Variants in ST6GAL2 observed in about 807,000 individuals in gnomAD.
ST6GAL2 encodes the protein beta-galactoside alpha-2,6-sialyltransferase 2.
ST6GAL2 carries 24 observed loss-of-function variants against 37.5 expected under a neutral mutation model. The observed-to-expected ratio is 0.64, with a 90% CI of 0.46 to 0.90. The LOEUF is 0.90. Ranked by LOEUF, ST6GAL2 falls within the 40% of genes least tolerant of loss-of-function variation. The pLI is 0.00. For missense variants in ST6GAL2, 715 were observed against 712.7 expected (o/e 1.00, Z -0.04); for synonymous variants, 306 against 295.1 (o/e 1.04, Z -0.38).
chr2:106,830,946 A>G (rs1442283486), intron 4 of ST6GAL2, among the ~76,000 whole-genome samples: 1 of 152,214 alleles, frequency 6.6e-6, no homozygotes, highest in Non-Finnish European at 1.5e-5. Context: ...CATGTATGTT[A>G]TTGTATGAAA....
chr2:106,829,422 C>A (rs1217169012), intron 5 of ST6GAL2, among the ~76,000 whole-genome samples: 1 of 152,192 alleles, frequency 6.6e-6, no homozygotes, highest in African/African-American at 2.4e-5. Flanking sequence ...TTGAGACCAC[C>A]ATGCAAGAAA....
chr2:106,861,984 T>C (rs761421577), intron 1 of ST6GAL2, among the ~76,000 whole-genome samples: 50 of 152,224 alleles, frequency 3.3e-4, no homozygotes, highest in Admixed American at 2.6e-4. Context: ...CTTATGTAAA[T>C]ATACAAATGG....
At chr2:106,817,341 G>A (rs1170670878) in intron 5 of ST6GAL2, among the ~76,000 whole-genome samples, 1 of 152,200 alleles carries the variant, frequency 6.6e-6, no homozygotes, top group African/African-American at 2.4e-5. Context: ...GGAGAGAGAA[G>A]AGTAAAGAGA....
intron 1 of ST6GAL2, among the ~76,000 whole-genome samples, chr2:106,849,138 G>A (rs977478659): frequency 5.9e-5 from 9 of 152,092 alleles, no homozygotes; most frequent in Non-Finnish European, 1.2e-4. Flanking sequence ...CAAGCTTTGC[G>A]CTCAAATAAA....
At chr2:106,853,915 A>C (rs916577119) in intron 1 of ST6GAL2, among the ~76,000 whole-genome samples, 1 of 152,096 alleles carries the variant, frequency 6.6e-6, no homozygotes, top group Non-Finnish European at 1.5e-5. Flanking sequence ...TCTGCTTTGG[A>C]CTCAGTGGCC....
Position 106,830,185 on chromosome 2 carries a change from C to T in ST6GAL2, c.1199G>A (p.Arg400Lys), listed in dbSNP as rs1676363035. ...AATGTAAAATGGCTGATTTGGGTTT[C>T]TCTGACGATGCTGAATATATGGAGT... ...LFTPYIQHRQ[R>K]NPNQPFYILH... Residue 400 changes from arginine to lysine, a missense_variant, in exon 5 of 6, where the codon AGA (arginine) becomes AAA (lysine). Coordinates refer to ENST00000409382, the MANE Select transcript of ST6GAL2 (RefSeq NM_001142351.2). 6.2e-7 allele frequency: 1 copy of T among 1,613,788 alleles called. No homozygotes were observed. Among genetic ancestry groups the T allele is most frequent in the East Asian group, 2.2e-5 (1 of 44,872 alleles).
intron 1 of ST6GAL2, among the ~76,000 whole-genome samples, chr2:106,848,553 G>A (rs1047309209): frequency 2.0e-5 from 3 of 152,200 alleles, no homozygotes; most frequent in African/African-American, 7.2e-5. Context: ...GCTTTGACCT[G>A]TTGGGAGGAG....
At chr2:106,880,452 A>T (rs1229590585) in intron 1 of ST6GAL2, among the ~76,000 whole-genome samples, 1 of 152,242 alleles carries the variant, frequency 6.6e-6, no homozygotes, top group Non-Finnish European at 1.5e-5. Context: ...GACAATCTCA[A>T]AAGTTAGTCT....
Position 106,843,101 on chromosome 2 carries a change from G to T in ST6GAL2, c.877C>A (p.Leu293Met), listed in dbSNP as rs1021383351. 3 of 1,540,330 alleles carry T rather than the reference G, an allele frequency of 1.9e-6. No homozygotes were observed. Among genetic ancestry groups the T allele is most frequent in the Non-Finnish European group, 2.6e-6 (3 of 1,150,140 alleles). The change falls in exon 2 of 6, where the codon CTG becomes ATG. Residue 293 changes from leucine (L) to methionine (M), a missense_variant. Transcript: ENST00000409382. ...GACATGACGACAGCGCAGCTGCGCA[G>T]GCCGCGGGGGTGCAGCTGGCTCAGG... is the stretch of plus-strand genomic sequence containing the variant. Reference protein sequence around the residue: ...VPLSQLHPRGLRSCAVVMSAG... With the variant: ...VPLSQLHPRGMRSCAVVMSAG...
rs79532436 is a variant in ST6GAL2 at position 106,863,701 on chromosome 2, C to T, written c.-57-19667G>A. The stretch of plus-strand genomic sequence containing the variant: ...TAATTAACCTCTCCCATCCCCAGTT[C>T]TCCCAACTGTAAAATAAGAAGAGTA... On this transcript the variant is annotated intron_variant, in intron 1 of 5. Transcript: ENST00000409382. Among the ~76,000 whole-genome samples the T allele has an allele frequency of 3.0e-3, 462 of 152,306 alleles. 3 individuals carry two copies. Among genetic ancestry groups the T allele is most frequent in the Middle Eastern group, 0.02 (6 of 294 alleles).
intron 1 of ST6GAL2, among the ~76,000 whole-genome samples, chr2:106,880,523 G>A (rs1678705323): frequency 6.6e-6 from 1 of 152,260 alleles, no homozygotes; most frequent in African/African-American, 2.4e-5. Flanking sequence ...GTTCTTGCAT[G>A]TTGAGCATGA....
rs768643816 is a variant in ST6GAL2 at position 106,843,873 on chromosome 2, G to C, written c.105C>G (p.Pro35=). The part of the protein sequence containing the change: ...LIFIYFTDSN[P]AEPVPSSLSF... ...AGAGGGAGCTGGGTACAGGCTCAGC[G>C]GGGTTGCTGTCGGTGAAGTAGATGA... is the stretch of plus-strand genomic sequence containing the variant. Residue 35 remains proline, a synonymous_variant, in exon 2 of 6, where the codon CCC becomes CCG. Transcript: ENST00000409382. 2.5e-6 allele frequency: 4 copies of C among 1,609,970 alleles called. No homozygotes were observed. Among genetic ancestry groups the C allele is most frequent in the Non-Finnish European group, 2.5e-6 (3 of 1,179,602 alleles).
chr2:106,807,751 A>C (rs190729582), intron 5 of ST6GAL2, among the ~76,000 whole-genome samples: 154 of 151,744 alleles, frequency 1.0e-3, no homozygotes, highest in Non-Finnish European at 1.6e-3. Flanking sequence ...CAGCCTCCCA[A>C]GTAGCCGGGA....
intron 1 of ST6GAL2, among the ~76,000 whole-genome samples, chr2:106,866,333 T>C (rs1462094896): frequency 6.6e-6 from 1 of 152,342 alleles, no homozygotes; most frequent in East Asian, 1.9e-4. Flanking sequence ...TCTTTGACTT[T>C]GTGTGCTATA....
intron 1 of ST6GAL2, among the ~76,000 whole-genome samples, chr2:106,874,585 G>C (rs993493048): frequency 6.6e-6 from 1 of 152,134 alleles, no homozygotes; most frequent in Admixed American, 6.5e-5. Context: ...TATGCAGGAG[G>C]GGCAAGAGTG....
At chr2:106,807,504 C>T (rs769608365) in intron 5 of ST6GAL2, among the ~76,000 whole-genome samples, 3 of 152,122 alleles carry the variant, frequency 2.0e-5, no homozygotes, top group African/African-American at 4.8e-5. Context: ...GGAGTTAAAG[C>T]GACAGAGTTT....
intron 1 of ST6GAL2, among the ~76,000 whole-genome samples, chr2:106,868,744 T>C (rs933610866): frequency 1.3e-5 from 2 of 151,554 alleles, no homozygotes; most frequent in Admixed American, 1.3e-4. Context: ...CTGTGTAGAG[T>C]TTGGGGGTTT....
In ST6GAL2 at chr2:106,819,362, CAAATATT is replaced by C. The variant is rs1226448239; in HGVS notation, c.1318+10697_1318+10703del. ...TAAAAGCAGCAAGAGAAAAAAAAAACAAATATTAATAACATACAATGGAGCTCCAATA... is the reference window on the plus strand; with the variant it reads ...TAAAAGCAGCAAGAGAAAAAAAAAACAATAACATACAATGGAGCTCCAATA... On this transcript the variant is annotated intron_variant, in intron 5 of 5. Transcript: ENST00000409382. 2.7e-5 allele frequency among the ~76,000 whole-genome samples: 4 copies of C among 149,828 alleles called. No homozygotes were observed. The East Asian group carries it at 7.8e-4, about 29-fold the overall frequency.
chr2:106,822,181 T>C (rs1676030714), intron 5 of ST6GAL2, among the ~76,000 whole-genome samples: 1 of 152,026 alleles, frequency 6.6e-6, no homozygotes, highest in South Asian at 2.1e-4. Context: ...GAGAAAGAAG[T>C]AAAGGGCATC....
Sources: allele counts gnomAD v4.1 joint callset (sites outside exome capture counted in the v4.1 genomes callset), GRCh38; gene constraint gnomAD v4.1.1; transcripts MANE v1.5; gene names NCBI Gene and HGNC (gene_info 2026-07-23, HGNC 2026-07-21).